Variants in DHCR24 observed in about 807,000 individuals in gnomAD.
The protein encoded by DHCR24 is 24-dehydrocholesterol reductase.
A neutral mutation model predicts 61.2 loss-of-function variants in DHCR24; 28 were observed. The observed-to-expected ratio is 0.46, with a 90% CI of 0.34 to 0.63. DHCR24 has a LOEUF of 0.63. DHCR24 is among the 20% of genes least tolerant of loss of function. The pLI is 0.01. For synonymous variants in DHCR24, 261 were observed against 275.9 expected (o/e 0.95, Z 0.54); for missense variants, 538 against 679.1 (o/e 0.79, Z 2.31).
At chr1:54,875,061 C>T in intron 4 of DHCR24, 32 bp downstream of exon 4, 1 of 1,583,626 alleles carries the variant, frequency 6.3e-7, no homozygotes, top group Non-Finnish European at 8.7e-7. Flanking sequence ...CCAGAGCAGG[C>T]TGGCATGGAC....
intron 2 of DHCR24, among the ~76,000 whole-genome samples, chr1:54,878,771 C>T (rs556869471): frequency 1.7e-4 from 26 of 152,006 alleles, no homozygotes; most frequent in Non-Finnish European, 3.7e-4. Context: ...TAGAGCAAAA[C>T]TCAAAATTTA....
Position 54,853,447 on chromosome 1 carries a change from G to A in DHCR24, c.1384C>T (p.Arg462Cys), listed in dbSNP as rs201118388. 17 of 1,614,162 alleles carry A rather than the reference G, an allele frequency of 1.1e-5. No individual in the cohort carries two copies. Among genetic ancestry groups the A allele is most frequent in the African/African-American group, 5.3e-5 (4 of 75,058 alleles). Residue 462 changes from arginine (R) to cysteine (C), a missense_variant, in exon 8 of 9, where the codon CGC becomes TGC. Coordinates refer to ENST00000371269, the MANE Select transcript of DHCR24 (RefSeq NM_014762.4). ...SCMRQLEKFV[R>C]SVHGFQMLYA... The stretch of plus-strand genomic sequence containing the variant: ...TGGGCCACTCACCCATGCACGCTGC[G>A]GACAAACTTCTCCAGCTGCCTCATG...
rs1390396240 is a variant in DHCR24, at chr1:54,875,171, GTGGGA to G, written c.529_533del (p.Ser177GlnfsTer18). ...AGATGTGTTGGAACAGGCCGTACTT[GTGGGA>G]TGATGACTCGATGCCTGTGCCCATG... On this transcript the variant is annotated frameshift_variant, in exon 4 of 9. Coordinates refer to ENST00000371269, the MANE Select transcript of DHCR24 (RefSeq NM_014762.4). LOFTEE classifies it high-confidence loss of function. 1 of 1,614,210 alleles carries G rather than the reference GTGGGA, an allele frequency of 6.2e-7. No homozygotes were observed.
chr1:54,885,429 A>AG (rs1036847837), intron 1 of DHCR24, among the ~76,000 whole-genome samples: 1 of 152,190 alleles, frequency 6.6e-6, no homozygotes, highest in African/African-American at 2.4e-5. Context: ...CCAGACCTAT[A>AG]GGGGGGAAGG....
chr1:54,871,670 T>C, intron 4 of DHCR24, 57 bp from the exon 5 acceptor site: 1 of 1,612,076 alleles, frequency 6.2e-7, no homozygotes, highest in Non-Finnish European at 8.5e-7. Flanking sequence ...CATTGTGGCA[T>C]GCAGTCAGTG....
chr1:54,861,989 A>G (rs542314441), intron 6 of DHCR24, among the ~76,000 whole-genome samples: 5 of 152,202 alleles, frequency 3.3e-5, no homozygotes, highest in Admixed American at 1.3e-4. Context: ...ATTAGTAGCA[A>G]CTGTAGCCAT....
At chr1:54,859,323 G>C (rs1191860226) in intron 6 of DHCR24, among the ~76,000 whole-genome samples, 4 of 151,996 alleles carry the variant, frequency 2.6e-5, no homozygotes, top group African/African-American at 9.7e-5. Context: ...ACCCAGATCA[G>C]CCACTCCCAA....
chr1:54,865,133 G>C (rs1646960836), intron 6 of DHCR24, among the ~76,000 whole-genome samples, 170 bp downstream of exon 6: 1 of 152,176 alleles, frequency 6.6e-6, no homozygotes, highest in Non-Finnish European at 1.5e-5. Flanking sequence ...GAAGGTAGTT[G>C]GTTCCTTCAG....
chr1:54,886,861 A>G (rs747954942), intron 1 of DHCR24, 28 bp downstream of exon 1: 1 of 1,605,108 alleles, frequency 6.2e-7, no homozygotes, highest in Non-Finnish European at 8.5e-7. Flanking sequence ...TCCGGCCCTG[A>G]GTCCCGGCCG....
At chr1:54,865,560 C>T (rs529475196) in intron 5 of DHCR24, 114 bp from the exon 6 acceptor site, 1 of 1,396,628 alleles carries the variant, frequency 7.2e-7, no homozygotes, top group South Asian at 1.2e-5. Flanking sequence ...AAAGCTCTTT[C>T]ATGTCTATTA....
chr1:54,869,586 T>TAC (rs1387365375), intron 5 of DHCR24, among the ~76,000 whole-genome samples: 32 of 96,468 alleles, frequency 3.3e-4, no homozygotes, highest in Non-Finnish European at 5.8e-4. Context: ...CACACATACA[T>TAC]ATACACACAC....
intron 2 of DHCR24, among the ~76,000 whole-genome samples, chr1:54,881,189 G>A (rs1264351664): frequency 6.6e-6 from 1 of 152,162 alleles, no homozygotes; most frequent in African/African-American, 2.4e-5. Context: ...TTTCAAAAGA[G>A]AAGCCACAGA....
rs956261005 is a variant in DHCR24, at chr1:54,887,054, C to T, written c.66G>A (p.Gly22=). Residue 22 remains glycine, a synonymous_variant, in exon 1 of 9, where the codon GGG becomes GGA. Coordinates refer to ENST00000371269, the MANE Select transcript of DHCR24 (RefSeq NM_014762.4). ...GCTGGTGGATGAGCACGAACTCCAG[C>T]CCCTTCAGGCGCACCCACAGCAGGA... is the stretch of plus-strand genomic sequence containing the variant. ...LLFLLWVRLK[G]LEFVLIHQRW... 3 of 1,611,806 alleles carry T rather than the reference C, an allele frequency of 1.9e-6. No homozygotes were observed. Among genetic ancestry groups the T allele is most frequent in the African/African-American group, 2.7e-5 (2 of 74,916 alleles).
chr1:54,865,989 A>G (rs1370652309), intron 5 of DHCR24, among the ~76,000 whole-genome samples: 1 of 152,146 alleles, frequency 6.6e-6, no homozygotes, highest in Non-Finnish European at 1.5e-5. Context: ...GCTCACATGA[A>G]TAAGGCTCAT....
rs564842249 is a variant in DHCR24, at chr1:54,883,101, T to G, written c.387+517A>C. Among the ~76,000 whole-genome samples, 1 of 152,198 alleles carries G rather than the reference T, an allele frequency of 6.6e-6. No homozygotes were observed. The highest frequency in any genetic ancestry group is 1.5e-5 in the Non-Finnish European group (1 of 68,032). Reference sequence around the variant, plus strand: ...CCTATTATTGGATATTGTGTTGTTGTCAATTAGAAATAAAGCTGTGATATA... The same window carrying G: ...CCTATTATTGGATATTGTGTTGTTGGCAATTAGAAATAAAGCTGTGATATA... On this transcript the variant is annotated intron_variant, in intron 2 of 8. Coordinates refer to ENST00000371269, the MANE Select transcript of DHCR24 (RefSeq NM_014762.4). The surrounding 1 kb of genome is among the most constrained non-coding windows in gnomAD (Gnocchi z 4.3).
chr1:54,858,445 T>G (rs1646919199), intron 6 of DHCR24, among the ~76,000 whole-genome samples: 1 of 152,286 alleles, frequency 6.6e-6, no homozygotes, highest in Admixed American at 6.5e-5. Flanking sequence ...CAATGACAGA[T>G]CAGCACAATG....
At chr1:54,870,086 G>A (rs376145478) in intron 5 of DHCR24, among the ~76,000 whole-genome samples, 6 of 151,906 alleles carry the variant, frequency 3.9e-5, no homozygotes, top group African/African-American at 1.4e-4. Context: ...ACTGGACATG[G>A]TGGCACACGC....
chr1:54,871,180 T>C (rs1646996325), intron 5 of DHCR24, among the ~76,000 whole-genome samples, 170 bp downstream of exon 5: 2 of 152,192 alleles, frequency 1.3e-5, no homozygotes, highest in African/African-American at 4.8e-5. Context: ...CTTCCATCAC[T>C]GTCTAATACA....
intron 1 of DHCR24, chr1:54,886,591 GA>G (rs1436018813): frequency 1.4e-6 from 2 of 1,424,822 alleles, no homozygotes; most frequent in South Asian, 2.4e-5. Context: ...TTCCTTCTCT[GA>G]AATGCTTGGG....
Sources: gnomAD v4.1 joint callset for allele counts (sites outside exome capture counted in the v4.1 genomes callset) on GRCh38, gnomAD v4.1.1 for gene constraint, Gnocchi (gnomAD v3.1) non-coding constraint, MANE v1.5 for transcripts, NCBI Gene and HGNC (gene_info 2026-07-23, HGNC 2026-07-21) for gene names.